FMN1: variants seen among roughly 807,000 people sequenced by gnomAD.
The protein encoded by FMN1 is formin-1.
In FMN1, 110 loss-of-function variants were observed where a neutral mutation model predicts 132.4. The ratio of observed to expected loss-of-function variants is 0.83; its 90% CI spans 0.71 to 0.97. The LOEUF (loss-of-function observed/expected upper bound fraction) is 0.97. Among genes scored for constraint, FMN1 ranks in the 50% least tolerant of loss-of-function variants. The pLI is 0.00. For synonymous variants in FMN1, 722 were observed against 651.7 expected (o/e 1.11, Z -1.64); for missense variants, 1,792 against 1,705.3 (o/e 1.05, Z -0.90).
chr15:32,895,654 AT>A (rs903739318), intron 15 of FMN1, among the ~76,000 whole-genome samples: 11 of 152,244 alleles, frequency 7.2e-5, no homozygotes, highest in African/African-American at 2.6e-4. Flanking sequence ...CTAATTCTAT[AT>A]ATCTAGTTGG....
intron 4 of FMN1, among the ~76,000 whole-genome samples, chr15:33,096,082 G>A (rs540960541): frequency 2.5e-4 from 38 of 151,658 alleles, no homozygotes; most frequent in African/African-American, 9.2e-4. Flanking sequence ...AATACAATAT[G>A]GCTCTGAGTG....
At chr15:33,103,286 C>A (rs1480109797) in intron 4 of FMN1, among the ~76,000 whole-genome samples, 1 of 152,032 alleles carries the variant, frequency 6.6e-6, no homozygotes, top group Non-Finnish European at 1.5e-5. Flanking sequence ...TCTTACTAGC[C>A]AAGAGACCTT....
At chr15:32,911,173 C>T in intron 10 of FMN1, among the ~76,000 whole-genome samples, 1 of 152,170 alleles carries the variant, frequency 6.6e-6, no homozygotes, top group East Asian at 1.9e-4. Flanking sequence ...ATTAATTTAG[C>T]CGTTAACTAA....
chr15:33,092,296 G>A (rs189523964), intron 4 of FMN1, among the ~76,000 whole-genome samples: 99 of 152,226 alleles, frequency 6.5e-4, no homozygotes, highest in Admixed American at 2.7e-3. Context: ...AAAACAGGAG[G>A]CAGTGTCCAC....
intron 5 of FMN1, among the ~76,000 whole-genome samples, chr15:33,065,917 C>A (rs1294047381): frequency 6.6e-6 from 1 of 152,136 alleles, no homozygotes; most frequent in African/African-American, 2.4e-5. Context: ...AACCATATAA[C>A]CATTTTATTT....
At chr15:32,875,833 A>G (rs1562931) in intron 16 of FMN1, among the ~76,000 whole-genome samples, 78,004 of 151,816 alleles carry the variant, frequency 0.51, 20,229 homozygotes, top group South Asian at 0.55. Flanking sequence ...CTATTTCTGT[A>G]AAGAAAATGT....
chr15:33,070,205 A>G (rs1341517595), intron 5 of FMN1, among the ~76,000 whole-genome samples: 2 of 151,350 alleles, frequency 1.3e-5, no homozygotes, highest in Non-Finnish European at 2.9e-5. Flanking sequence ...AGGTTTCTCC[A>G]TGTTGGTCAG....
Position 32,772,703 on chromosome 15 carries a change from T to C in FMN1, c.*1607A>G, listed in dbSNP as rs1224387039. The C allele has an allele frequency of 6.6e-6, 1 of 152,246 alleles. No homozygotes were observed. Among genetic ancestry groups the C allele is most frequent in the African/African-American group, 2.4e-5 (1 of 41,472 alleles). 9.4% of individuals were successfully genotyped at this position (152,246 alleles called of 1,614,324 possible). ...AAAAGGCGGTTAGCACCTGCATGAA[T>C]ATGGCTTCTGTGACTTGATTTGATC... On this transcript the variant is annotated 3_prime_UTR_variant, in exon 21 of 21. Transcript: ENST00000616417.
intron 17 of FMN1, among the ~76,000 whole-genome samples, chr15:32,840,972 A>G (rs995327503): frequency 1.3e-5 from 2 of 152,228 alleles, no homozygotes; most frequent in African/African-American, 2.4e-5. Context: ...TATTACACAG[A>G]AAGAGGGACT....
At chr15:33,178,367 A>G (rs965563449) in intron 3 of FMN1, among the ~76,000 whole-genome samples, 2 of 152,160 alleles carry the variant, frequency 1.3e-5, no homozygotes, top group Non-Finnish European at 2.9e-5. Flanking sequence ...TATAAAGGCA[A>G]AAATTTTCAA....
chr15:32,851,383 A>T (rs2059005473), intron 17 of FMN1, among the ~76,000 whole-genome samples: 4 of 152,182 alleles, frequency 2.6e-5, no homozygotes, highest in Admixed American at 2.6e-4. Flanking sequence ...GCCTTCTTTT[A>T]ATTATAGGAT....
chr15:32,824,514 C>G (rs1310632336), intron 17 of FMN1, among the ~76,000 whole-genome samples: 1 of 152,218 alleles, frequency 6.6e-6, no homozygotes, highest in Non-Finnish European at 1.5e-5. Context: ...CTCACCCATT[C>G]TGATCACTTG....
At chr15:32,842,672 G>A (rs953318647) in intron 17 of FMN1, among the ~76,000 whole-genome samples, 1 of 152,082 alleles carries the variant, frequency 6.6e-6, no homozygotes, top group African/African-American at 2.4e-5. Context: ...ATCTGTACTA[G>A]TATGAAAGAA....
intron 10 of FMN1, among the ~76,000 whole-genome samples, chr15:32,913,788 T>C (rs754304482): frequency 2.6e-5 from 4 of 152,174 alleles, no homozygotes; most frequent in Non-Finnish European, 4.4e-5. Flanking sequence ...TTGATAACTG[T>C]CTCCCAGCAT....
intron 16 of FMN1, among the ~76,000 whole-genome samples, chr15:32,880,400 T>C (rs926534480): frequency 6.6e-6 from 1 of 152,184 alleles, no homozygotes; most frequent in Non-Finnish European, 1.5e-5. Flanking sequence ...ATATATTAGA[T>C]GTATTAATTG....
intron 5 of FMN1, among the ~76,000 whole-genome samples, chr15:33,079,971 A>C (rs537042043): frequency 1.3e-5 from 2 of 152,344 alleles, no homozygotes; most frequent in African/African-American, 4.8e-5. Flanking sequence ...AGCAACAGAC[A>C]CATGATCTGT....
intron 4 of FMN1, among the ~76,000 whole-genome samples, chr15:33,152,788 C>CAAAAAAAAA (rs367698101): frequency 0.095 from 6,227 of 65,648 alleles, 701 homozygotes; most frequent in East Asian, 0.45. Context: ...TAGAGGATGC[C>CAAAAAAAAA]AAAAAAAAAA....
At chr15:33,077,956 T>G (rs1461400051) in intron 5 of FMN1, among the ~76,000 whole-genome samples, 4 of 152,126 alleles carry the variant, frequency 2.6e-5, no homozygotes, top group Admixed American at 2.0e-4. Flanking sequence ...TCACACCAGT[T>G]AGAATGGCGA....
intron 9 of FMN1, among the ~76,000 whole-genome samples, chr15:32,928,129 A>G (rs566133076): frequency 6.6e-6 from 1 of 152,292 alleles, no homozygotes; most frequent in South Asian, 2.1e-4. Context: ...GGCTACTTTC[A>G]TATAACGATT....
Sources: gnomAD v4.1 joint callset for allele counts (sites outside exome capture counted in the v4.1 genomes callset) on GRCh38, gnomAD v4.1.1 for gene constraint, MANE v1.5 for transcripts, NCBI Gene and HGNC (gene_info 2026-07-23, HGNC 2026-07-21) for gene names.